Variants in TSPAN8 observed in about 807,000 individuals in gnomAD.
TSPAN8 encodes the protein tetraspanin-8.
TSPAN8 carries 21 observed loss-of-function variants against 32.8 expected under a neutral mutation model. The observed-to-expected ratio is 0.64, with a 90% CI of 0.45 to 0.92. The LOEUF (loss-of-function observed/expected upper bound fraction) is 0.92. TSPAN8 is among the 40% of genes least tolerant of loss of function. The probability of loss-of-function intolerance (pLI) is 0.00; values close to 1 mark genes in which losing one functional copy is unlikely to be tolerated. For missense variants in TSPAN8, 269 were observed against 281.9 expected (o/e 0.95, Z 0.33); for synonymous variants, 95 against 94.6 (o/e 1.00, Z -0.03).
At chr12:71,126,945 A>G (rs867514749) in intron 8 of TSPAN8, among the ~76,000 whole-genome samples, 16 of 152,220 alleles carry the variant, frequency 1.1e-4, no homozygotes, top group Middle Eastern at 6.8e-3. Flanking sequence ...TTAGCATCCA[A>G]TGTGAGAAGA....
At chr12:71,139,243 T>C (rs943035624) in intron 4 of TSPAN8, 4 of 457,986 alleles carry the variant, frequency 8.7e-6, no homozygotes, top group South Asian at 6.2e-5. Flanking sequence ...ACCAGCACTG[T>C]ACTGCCACGT....
At chr12:71,139,250 A>T in intron 4 of TSPAN8, 1 of 457,736 alleles carries the variant, frequency 2.2e-6, no homozygotes, top group Non-Finnish European at 4.4e-6. Context: ...CTGTACTGCC[A>T]CGTTGTCTTT....
At chr12:71,143,717 T>C (rs1180542773) in intron 3 of TSPAN8, among the ~76,000 whole-genome samples, 1 of 152,172 alleles carries the variant, frequency 6.6e-6, no homozygotes, top group East Asian at 1.9e-4. Context: ...AAACTTCTCA[T>C]TTTCTTTCCT....
intron 6 of TSPAN8, among the ~76,000 whole-genome samples, chr12:71,133,125 C>T (rs1871573158): frequency 6.6e-6 from 1 of 152,134 alleles, no homozygotes; most frequent in East Asian, 1.9e-4. Flanking sequence ...TGCTCTGTCA[C>T]CAGGCTGGAG....
chr12:71,140,544 A>G (rs1351858651), intron 3 of TSPAN8, among the ~76,000 whole-genome samples: 1 of 152,186 alleles, frequency 6.6e-6, no homozygotes, highest in African/African-American at 2.4e-5. Flanking sequence ...CAAAAGCCAT[A>G]GTCCATAGAG....
chr12:71,127,313 T>G (rs1203964943), intron 8 of TSPAN8, among the ~76,000 whole-genome samples: 2 of 151,884 alleles, frequency 1.3e-5, no homozygotes, highest in Admixed American at 1.3e-4. Flanking sequence ...ATTTATAGAC[T>G]GGGTGTCAGA....
At chr12:71,131,391 G>A (rs959682144) in intron 7 of TSPAN8, among the ~76,000 whole-genome samples, 3 of 152,036 alleles carry the variant, frequency 2.0e-5, no homozygotes, top group Admixed American at 2.0e-4. Context: ...CCCCTTCAGG[G>A]CAGAGCCTCT....
At position 71,132,780 on chromosome 12, in the gene TSPAN8, A is replaced by G. The variant is rs1440340253; in HGVS notation, c.489T>C (p.Asn163=). 2 of 1,613,854 alleles carry G rather than the reference A, an allele frequency of 1.2e-6. No individual in the cohort carries two copies. The highest frequency in any genetic ancestry group is 1.7e-6 in the Non-Finnish European group (2 of 1,179,962). ...GLVNGAADWG[N]NFQHYPELCA... Reference sequence around the variant, plus strand: ...ATAATTCAGGATAGTGTTGAAAATTATTTCCCCAATCAGCAGCTCCATTGA... The same window carrying G: ...ATAATTCAGGATAGTGTTGAAAATTGTTTCCCCAATCAGCAGCTCCATTGA... Residue 163 remains asparagine (N), a synonymous_variant, in exon 7 of 9, where the codon AAT becomes AAC. Coordinates refer to ENST00000247829, the MANE Select transcript of TSPAN8 (RefSeq NM_004616.3).
rs556997254 is a variant in TSPAN8 at position 71,129,569 on chromosome 12, C to T, written c.577-155G>A. Among the ~76,000 whole-genome samples, 4 of 152,250 alleles carry T rather than the reference C, an allele frequency of 2.6e-5. No homozygotes were observed. In the South Asian group the frequency reaches 8.3e-4, roughly 32 times the overall value. ...GTTATTCCTTCCACTCCCTGCTTCACCTTTGCTCCAAAAGGTTGTAACTGT... is the reference window on the plus strand; with the variant it reads ...GTTATTCCTTCCACTCCCTGCTTCATCTTTGCTCCAAAAGGTTGTAACTGT... On this transcript the variant is annotated intron_variant, in intron 7 of 8. Transcript: ENST00000247829.
chr12:71,129,226 G>A, intron 8 of TSPAN8, 105 bp downstream of exon 8: 1 of 1,231,734 alleles, frequency 8.1e-7, no homozygotes, highest in East Asian at 2.9e-5. Flanking sequence ...TTTTATGGTT[G>A]TTGTGGTTTT....
At chr12:71,134,791 G>A (rs1395173588) in intron 6 of TSPAN8, among the ~76,000 whole-genome samples, 3 of 152,270 alleles carry the variant, frequency 2.0e-5, no homozygotes, top group East Asian at 3.9e-4. Flanking sequence ...CCTTAGGGAG[G>A]CATAAAGTCA....
At chr12:71,141,594 G>T (rs1267202437) in intron 3 of TSPAN8, among the ~76,000 whole-genome samples, 2 of 152,218 alleles carry the variant, frequency 1.3e-5, no homozygotes, top group Non-Finnish European at 2.9e-5. Context: ...TGTGCAGCAG[G>T]TAGTGAGACA....
chr12:71,144,808 C>T (rs1312768621), intron 2 of TSPAN8, among the ~76,000 whole-genome samples: 1 of 152,056 alleles, frequency 6.6e-6, no homozygotes. Flanking sequence ...AAAGTTTACT[C>T]ACAGAGAAGG....
Position 71,132,793 on chromosome 12 carries a change from G to T in TSPAN8, c.476C>A (p.Ala159Asp). 1 of 1,613,930 alleles carries T rather than the reference G, an allele frequency of 6.2e-7. No individual in the cohort carries two copies. Among genetic ancestry groups the T allele is most frequent in the Non-Finnish European group, 8.5e-7 (1 of 1,179,950 alleles). Residue 159 changes from alanine to aspartate, a missense_variant, in exon 7 of 9, where the codon GCT (alanine) becomes GAT (aspartate). Ala to Asp is a moderately radical substitution (Grantham distance 126). Transcript: ENST00000247829. ...GTGTTGAAAATTATTTCCCCAATCAGCAGCTCCATTGACCAAACCGCAGCA... is the reference window on the plus strand; with the variant it reads ...GTGTTGAAAATTATTTCCCCAATCATCAGCTCCATTGACCAAACCGCAGCA... ...FKCCGLVNGA[A>D]DWGNNFQHYP...
At position 71,132,730 on chromosome 12, in the gene TSPAN8, G is replaced by A. The variant is rs777192427; in HGVS notation, c.539C>T (p.Pro180Leu). 1.2e-6 allele frequency: 2 copies of A among 1,613,868 alleles called. No homozygotes were observed. The highest frequency in any genetic ancestry group is 1.7e-5 in the Admixed American group (1 of 60,006). Residue 180 changes from proline to leucine, a missense_variant, in exon 7 of 9, where the codon CCA becomes CTA. By Grantham distance (98) the Pro-to-Leu change is moderately conservative. Coordinates refer to ENST00000247829, the MANE Select transcript of TSPAN8 (RefSeq NM_004616.3). ...TTGTTTTCCATTATAGCTTTGGCAT[G>A]GTCTCTGCTTATCTAGACAGGCACA... ...ELCACLDKQR[P>L]CQSYNGKQVY...
chr12:71,153,915 A>G (rs1872336287), intron 2 of TSPAN8, among the ~76,000 whole-genome samples: 1 of 152,226 alleles, frequency 6.6e-6, no homozygotes, highest in South Asian at 2.1e-4. Context: ...GGTAGGAATC[A>G]CCAAGGCACG....
chr12:71,127,706 T>A (rs1871390545), intron 8 of TSPAN8, among the ~76,000 whole-genome samples: 1 of 152,206 alleles, frequency 6.6e-6, no homozygotes, highest in Non-Finnish European at 1.5e-5. Context: ...CTTTTTGTAA[T>A]CTTATTTTCC....
At chr12:71,149,269 G>T (rs1872169663) in intron 2 of TSPAN8, among the ~76,000 whole-genome samples, 1 of 151,802 alleles carries the variant, frequency 6.6e-6, no homozygotes, top group African/African-American at 2.4e-5. Context: ...TCAGGAGGCT[G>T]AGGCAGGAGA....
At chr12:71,129,302 A>G in intron 8 of TSPAN8, 29 bp downstream of exon 8, 1 of 1,518,716 alleles carries the variant, frequency 6.6e-7, no homozygotes, top group Non-Finnish European at 8.8e-7. Flanking sequence ...AGGGAATAAA[A>G]GAGTCAATAA....
Sources: allele counts gnomAD v4.1 joint callset (sites outside exome capture counted in the v4.1 genomes callset), GRCh38; gene constraint gnomAD v4.1.1; transcripts MANE v1.5; gene names NCBI Gene and HGNC (gene_info 2026-07-23, HGNC 2026-07-21).